Variants in EFCAB8 observed in about 807,000 individuals in gnomAD.
EFCAB8 encodes EF-hand calcium-binding domain-containing protein 8.
Under a neutral mutation model 116.3 loss-of-function variants are expected in EFCAB8, and 100 were observed. That is an observed-to-expected ratio of 0.86 (90% CI 0.73 to 1.02). The LOEUF is 1.02. Ranked by LOEUF, EFCAB8 falls within the 50% of genes least tolerant of loss-of-function variation. The probability of loss-of-function intolerance (pLI) is 0.00; values close to 1 mark genes in which losing one functional copy is unlikely to be tolerated. For synonymous variants in EFCAB8, 558 were observed against 567.9 expected (o/e 0.98, Z 0.25); for missense variants, 1,320 against 1,416.9 (o/e 0.93, Z 1.10).
intron 2 of EFCAB8, among the ~76,000 whole-genome samples, chr20:32,866,197 G>C (rs1600357049): frequency 6.6e-6 from 1 of 152,092 alleles, no homozygotes; most frequent in Non-Finnish European, 1.5e-5. Context: ...TAGACGCTGG[G>C]CTAATGAATG....
chr20:32,898,672 G>C (rs577317643), intron 11 of EFCAB8, 49 bp downstream of exon 11: 70 of 708,740 alleles, frequency 9.9e-5, no homozygotes, highest in Non-Finnish European at 1.7e-4. Flanking sequence ...GGAAGGGAGG[G>C]GGGTGGTGAG....
chr20:32,907,243 C>A, intron 13 of EFCAB8: 1 of 405,136 alleles, frequency 2.5e-6, no homozygotes, highest in Non-Finnish European at 3.3e-6. Context: ...GAGCCTCAGT[C>A]CTCAGTCTCC....
chr20:32,914,674 A>T (rs1308606452), intron 17 of EFCAB8, among the ~76,000 whole-genome samples: 1 of 152,130 alleles, frequency 6.6e-6, no homozygotes, highest in Non-Finnish European at 1.5e-5. Flanking sequence ...CTTTTAAATC[A>T]TCAGGTCTTG....
intron 22 of EFCAB8, among the ~76,000 whole-genome samples, chr20:32,939,243 C>A (rs1247577565): frequency 1.6e-5 from 2 of 123,954 alleles, no homozygotes; most frequent in South Asian, 5.1e-4. Flanking sequence ...TCCCTCCCTG[C>A]CTTCCTTCCT....
intron 23 of EFCAB8, among the ~76,000 whole-genome samples, chr20:32,947,153 G>C (rs1249068498): frequency 6.6e-6 from 1 of 152,160 alleles, no homozygotes; most frequent in Non-Finnish European, 1.5e-5. Flanking sequence ...TGTATGGTAA[G>C]TGTATTGAAA....
chr20:32,923,393 G>A (rs1049481958), intron 20 of EFCAB8, among the ~76,000 whole-genome samples: 1 of 151,998 alleles, frequency 6.6e-6, no homozygotes, highest in Non-Finnish European at 1.5e-5. Context: ...GGCAGAGGCA[G>A]GAGAATTGAT....
chr20:32,863,660 G>C (rs937587893), intron 1 of EFCAB8, 123 bp from the exon 2 acceptor site: 1 of 875,246 alleles, frequency 1.1e-6, no homozygotes, highest in Admixed American at 2.9e-5. Context: ...CCATGGGCAA[G>C]GGGAAGCCAC....
At chr20:32,875,502 G>GTTTTTTTATTTTTTTTTTTTTT (rs1984916983) in intron 3 of EFCAB8, among the ~76,000 whole-genome samples, 1 of 89,890 alleles carries the variant, frequency 1.1e-5, no homozygotes, top group Non-Finnish European at 2.6e-5. Context: ...AAACATGGTG[G>GTTTTTTTATTTTTTTTTTTTTT]TTTTTTTTTT....
chr20:32,864,179 G>A (rs1984269279), intron 2 of EFCAB8, among the ~76,000 whole-genome samples: 1 of 151,892 alleles, frequency 6.6e-6, no homozygotes, highest in Non-Finnish European at 1.5e-5. Flanking sequence ...GTTTTACCAT[G>A]TTGGCCAGGC....
At chr20:32,938,439 T>C (rs1988205860) in intron 22 of EFCAB8, among the ~76,000 whole-genome samples, 1 of 149,784 alleles carries the variant, frequency 6.7e-6, no homozygotes, top group Non-Finnish European at 1.5e-5. Context: ...TAACATTTTA[T>C]TGGGAGGTCA....
At chr20:32,952,610 A>G (rs1367589187) in intron 23 of EFCAB8, among the ~76,000 whole-genome samples, 1 of 152,134 alleles carries the variant, frequency 6.6e-6, no homozygotes, top group African/African-American at 2.4e-5. Context: ...TTTTTAAGAA[A>G]TTTGGTTGCT....
intron 22 of EFCAB8, among the ~76,000 whole-genome samples, chr20:32,938,903 C>A (rs1430206564): frequency 2.0e-5 from 3 of 149,098 alleles, no homozygotes; most frequent in Non-Finnish European, 4.5e-5. Flanking sequence ...CTTCTCTTTT[C>A]TCTTCCCTTT....
In EFCAB8 at chr20:32,924,698, C is replaced by T. The variant is rs561885327; in HGVS notation, c.2412+4483C>T. ...GAATTCCTTGGGCTTTTTACGTGGC[C>T]TGGTGATCTGTGTGTAATAAGGATT... On this transcript the variant is annotated intron_variant, in intron 20 of 26. Coordinates refer to ENST00000400522, the MANE Select transcript of EFCAB8 (RefSeq NM_001143967.2). Among the ~76,000 whole-genome samples, 275 of 152,158 alleles carry T rather than the reference C, an allele frequency of 1.8e-3. 1 individual carries two copies. Among genetic ancestry groups the T allele is most frequent in the African/African-American group, 6.5e-3 (269 of 41,496 alleles).
intron 22 of EFCAB8, among the ~76,000 whole-genome samples, chr20:32,934,083 A>G (rs1168017513): frequency 6.6e-6 from 1 of 151,702 alleles, no homozygotes; most frequent in East Asian, 1.9e-4. Context: ...GGCTCAAGGA[A>G]TCCTCCTGCC....
chr20:32,890,472 CAT>C (rs1985856723), intron 7 of EFCAB8, among the ~76,000 whole-genome samples: 1 of 142,416 alleles, frequency 7.0e-6, no homozygotes, highest in African/African-American at 2.6e-5. Context: ...CTGTTTAGCA[CAT>C]GTCTCCTCCT....
intron 20 of EFCAB8, among the ~76,000 whole-genome samples, chr20:32,925,300 A>G (rs1048398442): frequency 6.6e-6 from 1 of 151,842 alleles, no homozygotes; most frequent in African/African-American, 2.4e-5. Flanking sequence ...GCTCACTGCC[A>G]CCTCTGTCTC....
intron 20 of EFCAB8, among the ~76,000 whole-genome samples, chr20:32,922,867 T>C (rs927454395): frequency 1.3e-5 from 2 of 152,040 alleles, no homozygotes; most frequent in Non-Finnish European, 2.9e-5. Context: ...AATTAGAAAG[T>C]GATACATGTC....
At chr20:32,907,748 T>C (rs1321210087) in intron 13 of EFCAB8, among the ~76,000 whole-genome samples, 2 of 152,148 alleles carry the variant, frequency 1.3e-5, no homozygotes, top group Non-Finnish European at 2.9e-5. Context: ...AGGGACAGTC[T>C]CGCTGAGGTC....
chr20:32,881,071 C>T (rs1249818237), intron 5 of EFCAB8, among the ~76,000 whole-genome samples: 2 of 152,188 alleles, frequency 1.3e-5, no homozygotes, highest in African/African-American at 4.8e-5. Flanking sequence ...GTCTCCCAGG[C>T]TGAGGCCATT....
Sources: gnomAD v4.1 joint callset for allele counts (sites outside exome capture counted in the v4.1 genomes callset) on GRCh38, gnomAD v4.1.1 for gene constraint, MANE v1.5 for transcripts, NCBI Gene and HGNC (gene_info 2026-07-23, HGNC 2026-07-21) for gene names.